Variants in ZEB1 observed in about 807,000 individuals in gnomAD.
The protein encoded by ZEB1 is zinc finger E-box binding homeobox 1.
A neutral mutation model predicts 84.9 loss-of-function variants in ZEB1; 21 were observed. That is an observed-to-expected ratio of 0.25 (90% CI 0.18 to 0.36). The LOEUF (loss-of-function observed/expected upper bound fraction) is 0.36. Among genes scored for constraint, ZEB1 ranks in the 10% least tolerant of loss-of-function variants. ZEB1 has a pLI of 1.00. For synonymous variants in ZEB1, 420 were observed against 471.1 expected, an observed-to-expected ratio of 0.89 and a Z score of 1.41; for missense variants, 1,104 against 1,330.2, an observed-to-expected ratio of 0.83 and a Z score of 2.65.
At chr10:31,469,589 G>GC (rs2062916827) in intron 2 of ZEB1, among the ~76,000 whole-genome samples, 1 of 152,220 alleles carries the variant, frequency 6.6e-6, no homozygotes, top group Non-Finnish European at 1.5e-5. Context: ...CTGATTGCTA[G>GC]CACAGCAGTC....
rs1290587628 is a variant in ZEB1, at chr10:31,429,730, G to A, written c.59-31307G>A. On this transcript the variant is annotated intron_variant, in intron 1 of 8. Coordinates refer to ENST00000424869, the MANE Select transcript of ZEB1 (RefSeq NM_001174096.2). ...AATCTGTTGTGAATACTTACAGGCA[G>A]AACTTTTTTTTTTTTTTTTTTTTTT... Among the ~76,000 whole-genome samples the A allele has an allele frequency of 7.0e-5, 8 of 113,646 alleles. No individual in the cohort carries two copies. The East Asian group carries it at 1.5e-3, about 21-fold the overall frequency. 74.6% of individuals were successfully genotyped at this position (113,646 alleles called of 152,430 possible).
chr10:31,390,612 C>T (rs1407566275), intron 1 of ZEB1, among the ~76,000 whole-genome samples: 1 of 152,172 alleles, frequency 6.6e-6, no homozygotes, highest in Non-Finnish European at 1.5e-5. Flanking sequence ...GTAACCACAG[C>T]AGTTTTCAGG....
intron 1 of ZEB1, among the ~76,000 whole-genome samples, chr10:31,351,899 T>C (rs1443770042): frequency 6.6e-6 from 1 of 152,196 alleles, no homozygotes; most frequent in African/African-American, 2.4e-5. Flanking sequence ...ATACTGATAC[T>C]TCACCAAATA....
At chr10:31,459,078 A>G (rs751317902) in intron 1 of ZEB1, among the ~76,000 whole-genome samples, 12 of 152,066 alleles carry the variant, frequency 7.9e-5, no homozygotes, top group South Asian at 2.1e-4. Flanking sequence ...CATGAAGCCT[A>G]TGTTTTAATA....
At position 31,528,087 on chromosome 10, in the gene ZEB1, G is replaced by T. The variant is rs2073791948; in HGVS notation, c.*823G>T. 1 of 152,210 alleles carries T rather than the reference G, an allele frequency of 6.6e-6. No individual in the cohort carries two copies. Among genetic ancestry groups the T allele is most frequent in the South Asian group, 2.1e-4 (1 of 4,836 alleles). The allele number at this position is 152,210 out of a possible 1,614,324, so 9.4% of individuals were successfully genotyped here. ...GTTTGAATATGTGGTAACATATGAA[G>T]GATATGACATGAAGCTTTGTATCTC... On this transcript the variant is annotated 3_prime_UTR_variant, in exon 9 of 9. Transcript: ENST00000424869.
In ZEB1 at chr10:31,526,813, A is replaced by G. The variant is rs1460244283; in HGVS notation, c.2927A>G (p.Tyr976Cys). Reference protein sequence around the residue: ...CGKRFSHSGSYSQHMNHRYSY... With the variant: ...CGKRFSHSGSCSQHMNHRYSY... ...AAGCGCTTCTCACACTCTGGGTCTT[A>G]TTCTCAACACATGAATCATCGCTAC... Residue 976 changes from tyrosine (Y) to cysteine (C), a missense_variant, in exon 9 of 9, where the codon TAT becomes TGT. This residue lies in a region of ZEB1 where 53 missense variants were observed against 92.5 expected (regional missense o/e 0.57). Coordinates refer to ENST00000424869, the MANE Select transcript of ZEB1 (RefSeq NM_001174096.2). 6.2e-7 allele frequency: 1 copy of G among 1,614,068 alleles called. No homozygotes were observed. Among genetic ancestry groups the G allele is most frequent in the Non-Finnish European group, 8.5e-7 (1 of 1,180,034 alleles).
intron 1 of ZEB1, among the ~76,000 whole-genome samples, chr10:31,328,077 T>C (rs1363082954): frequency 6.6e-6 from 1 of 152,204 alleles, no homozygotes; most frequent in Non-Finnish European, 1.5e-5. Flanking sequence ...TCCTTAATTT[T>C]AATGTCAAAA....
At chr10:31,379,670 A>C (rs2047294911) in intron 1 of ZEB1, among the ~76,000 whole-genome samples, 1 of 151,776 alleles carries the variant, frequency 6.6e-6, no homozygotes, top group Non-Finnish European at 1.5e-5. Flanking sequence ...TACTTGTACT[A>C]GAATATATCT....
At chr10:31,469,234 C>A (rs1206025170) in intron 2 of ZEB1, among the ~76,000 whole-genome samples, 1 of 152,156 alleles carries the variant, frequency 6.6e-6, no homozygotes, top group Non-Finnish European at 1.5e-5. Flanking sequence ...AGGAACAGCT[C>A]CGGTCTACAG....
At chr10:31,485,017 C>A (rs2065538944) in intron 2 of ZEB1, among the ~76,000 whole-genome samples, 1 of 151,790 alleles carries the variant, frequency 6.6e-6, no homozygotes, top group East Asian at 1.9e-4. Flanking sequence ...ATTTCAACAT[C>A]TATAGAGTTT....
chr10:31,361,549 T>A (rs1428524853), intron 1 of ZEB1, among the ~76,000 whole-genome samples: 1 of 152,200 alleles, frequency 6.6e-6, no homozygotes, highest in Admixed American at 6.5e-5. Context: ...CCTCCTCACT[T>A]CCCAGATGGT....
upstream of ZEB1, chr10:31,318,774 C>T (rs369851946): frequency 1.4e-3 from 254 of 184,952 alleles, no homozygotes; most frequent in Middle Eastern, 0.011. Flanking sequence ...TCTGGGCGCT[C>T]GGAGGGGCAG....
chr10:31,492,905 G>C (rs1342461324), intron 2 of ZEB1, among the ~76,000 whole-genome samples: 6 of 151,798 alleles, frequency 4.0e-5, no homozygotes, highest in Admixed American at 2.6e-4. Flanking sequence ...TGAGATATTT[G>C]CCTTTGACTT....
chr10:31,465,563 A>G (rs1193841007), intron 2 of ZEB1, among the ~76,000 whole-genome samples: 1 of 150,002 alleles, frequency 6.7e-6, no homozygotes, highest in Non-Finnish European at 1.5e-5. Flanking sequence ...CTTATCAATA[A>G]TTACTTTAAA....
At chr10:31,373,277 A>G (rs2046028796) in intron 1 of ZEB1, 1 of 962,286 alleles carries the variant, frequency 1.0e-6, no homozygotes, top group Non-Finnish European at 1.2e-6. Flanking sequence ...AATCTAGGAC[A>G]TAATGACAAG....
At chr10:31,522,880 GA>G (rs1393529408) in intron 7 of ZEB1, among the ~76,000 whole-genome samples, 5 of 151,928 alleles carry the variant, frequency 3.3e-5, no homozygotes, top group Admixed American at 2.0e-4. Context: ...GATAACTCTT[GA>G]AAAAAAGTTC....
At chr10:31,407,591 A>T (rs1438081790) in intron 1 of ZEB1, among the ~76,000 whole-genome samples, 3 of 152,184 alleles carry the variant, frequency 2.0e-5, no homozygotes, top group Non-Finnish European at 4.4e-5. Flanking sequence ...CATGATTTAT[A>T]GTCCTTTGGG....
At chr10:31,507,987 T>C (rs1035109114) in intron 4 of ZEB1, among the ~76,000 whole-genome samples, 4 of 152,150 alleles carry the variant, frequency 2.6e-5, no homozygotes, top group Admixed American at 1.3e-4. Context: ...ATTGGTTGAG[T>C]AGGGCACTTT....
intron 1 of ZEB1, among the ~76,000 whole-genome samples, chr10:31,452,265 A>C (rs1292932686): frequency 6.6e-6 from 1 of 152,112 alleles, no homozygotes; most frequent in South Asian, 2.1e-4. Context: ...AAAATTAGAT[A>C]ATATACACAT....
Sources: gnomAD v4.1 joint callset for allele counts (sites outside exome capture counted in the v4.1 genomes callset) on GRCh38, gnomAD v4.1.1 for gene constraint, gnomAD v4.1.1 regional missense constraint, MANE v1.5 for transcripts, NCBI Gene and HGNC (gene_info 2026-07-23, HGNC 2026-07-21) for gene names.